SNCAIP: variants seen among roughly 807,000 people sequenced by gnomAD.
SNCAIP encodes synuclein alpha interacting protein, also known as synphilin-1.
In SNCAIP, 43 loss-of-function variants were observed where a neutral mutation model predicts 86.7. The observed-to-expected ratio is 0.50, with a 90% CI of 0.39 to 0.64. The LOEUF is 0.64. Among genes scored for constraint, SNCAIP ranks in the 30% least tolerant of loss-of-function variants. SNCAIP has a pLI of 0.00. For missense variants in SNCAIP, 981 were observed against 1,103.1 expected (o/e 0.89, Z 1.57); for synonymous variants, 417 against 427.2 (o/e 0.98, Z 0.29).
chr5:122,322,144 G>T (rs985211413), intron 1 of SNCAIP, among the ~76,000 whole-genome samples: 1 of 152,180 alleles, frequency 6.6e-6, no homozygotes, highest in Non-Finnish European at 1.5e-5. Context: ...GTTTCCAGTG[G>T]TTTTAGAGTC....
At chr5:122,443,840 G>A (rs1781673025) in intron 7 of SNCAIP, among the ~76,000 whole-genome samples, 1 of 152,218 alleles carries the variant, frequency 6.6e-6, no homozygotes, top group African/African-American at 2.4e-5. Flanking sequence ...CATGGTTGGG[G>A]TCTTCAGAGG....
At position 122,382,109 on chromosome 5, in the gene SNCAIP, T is replaced by C. The variant is rs937879309; in HGVS notation, c.-46-8980T>C. Reference sequence around the variant, plus strand: ...GGCCTTTCTTGCTAGGTTGGGGAAGTTCTCCTGGATAATATCCTGAAGAGT... The same window carrying C: ...GGCCTTTCTTGCTAGGTTGGGGAAGCTCTCCTGGATAATATCCTGAAGAGT... On this transcript the variant is annotated intron_variant, in intron 1 of 10. Coordinates refer to ENST00000261368, the MANE Select transcript of SNCAIP (RefSeq NM_005460.4). Among the ~76,000 whole-genome samples, 101 of 152,372 alleles carry C rather than the reference T, an allele frequency of 6.6e-4. 1 individual carries two copies. Among genetic ancestry groups the C allele is most frequent in the African/African-American group, 2.3e-3 (97 of 41,586 alleles).
intron 8 of SNCAIP, among the ~76,000 whole-genome samples, chr5:122,446,825 C>G (rs1782423039): frequency 6.6e-6 from 1 of 152,162 alleles, no homozygotes; most frequent in African/African-American, 2.4e-5. Context: ...GGAAGACAGT[C>G]TTGAGTGCCT....
chr5:122,353,271 A>C (rs765472930), intron 1 of SNCAIP, among the ~76,000 whole-genome samples: 1 of 151,986 alleles, frequency 6.6e-6, no homozygotes, highest in African/African-American at 2.4e-5. Context: ...AAACCAATCT[A>C]TTGTGTTGGG....
chr5:122,340,581 G>C (rs1443040940), intron 1 of SNCAIP, among the ~76,000 whole-genome samples: 1 of 152,142 alleles, frequency 6.6e-6, no homozygotes, highest in Non-Finnish European at 1.5e-5. Flanking sequence ...TCAATACCTT[G>C]AAGCAAACGA....
chr5:122,340,119 C>T (rs1405493561), intron 1 of SNCAIP, among the ~76,000 whole-genome samples: 2 of 152,152 alleles, frequency 1.3e-5, no homozygotes, highest in Non-Finnish European at 2.9e-5. Flanking sequence ...AGACATTATA[C>T]AAAACCGACT....
intron 1 of SNCAIP, among the ~76,000 whole-genome samples, chr5:122,319,112 T>C (rs1323594349): frequency 6.6e-6 from 1 of 152,046 alleles, no homozygotes; most frequent in African/African-American, 2.4e-5. Context: ...AATAAAGCTT[T>C]GATTGGGCTC....
chr5:122,436,617 A>AT (rs1779543388), intron 6 of SNCAIP: 2 of 152,194 alleles, frequency 1.3e-5, no homozygotes, highest in African/African-American at 4.8e-5. Flanking sequence ...TACATCTCAA[A>AT]AACTGGAATA....
intron 3 of SNCAIP, among the ~76,000 whole-genome samples, chr5:122,415,362 C>A (rs1469846368): frequency 6.6e-6 from 1 of 152,170 alleles, no homozygotes; most frequent in Non-Finnish European, 1.5e-5. Context: ...TAAAATAAGA[C>A]CAGTTTTCAC....
intron 2 of SNCAIP, among the ~76,000 whole-genome samples, chr5:122,394,285 A>G (rs1770110755): frequency 6.6e-6 from 1 of 152,044 alleles, no homozygotes; most frequent in Non-Finnish European, 1.5e-5. Flanking sequence ...ATTCCATGGT[A>G]TTTCCCTCTG....
intron 2 of SNCAIP, among the ~76,000 whole-genome samples, chr5:122,403,516 G>T (rs1019842778): frequency 1.3e-5 from 2 of 152,142 alleles, no homozygotes; most frequent in Non-Finnish European, 2.9e-5. Context: ...GAAGTGATAA[G>T]AGGGAGAGAG....
chr5:122,422,521 T>A (rs1776593653), intron 3 of SNCAIP, among the ~76,000 whole-genome samples: 1 of 152,196 alleles, frequency 6.6e-6, no homozygotes, highest in South Asian at 2.1e-4. Flanking sequence ...TATTCTCTAA[T>A]CTTGTTTTTC....
intron 6 of SNCAIP, among the ~76,000 whole-genome samples, chr5:122,439,294 C>T (rs1483443051): frequency 6.6e-6 from 1 of 152,168 alleles, no homozygotes; most frequent in Non-Finnish European, 1.5e-5. Flanking sequence ...TCTAGGGACC[C>T]TTGAGGGTTT....
intron 1 of SNCAIP, among the ~76,000 whole-genome samples, chr5:122,390,444 T>C (rs1195431979): frequency 1.3e-5 from 2 of 152,164 alleles, no homozygotes; most frequent in African/African-American, 4.8e-5. Context: ...GGGGCCTGCA[T>C]CAGGTCACTA....
At chr5:122,334,007 C>G (rs917068707) in intron 1 of SNCAIP, among the ~76,000 whole-genome samples, 1 of 152,048 alleles carries the variant, frequency 6.6e-6, no homozygotes, top group Non-Finnish European at 1.5e-5. Context: ...GCATAGAAGA[C>G]TGAGTTTTGT....
Position 122,375,580 on chromosome 5 carries a change from G to A in SNCAIP, c.-46-15509G>A, listed in dbSNP as rs542320953. 3.3e-5 allele frequency among the ~76,000 whole-genome samples: 5 copies of A among 151,018 alleles called. No individual in the cohort carries two copies. The South Asian group carries it at 1.0e-3, about 31-fold the overall frequency. On this transcript the variant is annotated intron_variant, in intron 1 of 10. Transcript: ENST00000261368. Reference sequence around the variant, plus strand: ...ACTGAGACCTGGTTCTAAAAAGGCTGCATTGAAAATTATAAAACTGGACCT... The same window carrying A: ...ACTGAGACCTGGTTCTAAAAAGGCTACATTGAAAATTATAAAACTGGACCT...
At chr5:122,432,713 A>G (rs1425415892) in intron 6 of SNCAIP, among the ~76,000 whole-genome samples, 2 of 152,118 alleles carry the variant, frequency 1.3e-5, no homozygotes, top group Admixed American at 1.3e-4. Flanking sequence ...ACATTAGGAA[A>G]TCCCAACATT....
intron 1 of SNCAIP, among the ~76,000 whole-genome samples, chr5:122,351,821 A>G (rs1759909808): frequency 6.6e-6 from 1 of 152,048 alleles, no homozygotes; most frequent in Admixed American, 6.6e-5. Context: ...ATGAGTTTGT[A>G]TACAGTATTT....
intron 6 of SNCAIP, among the ~76,000 whole-genome samples, chr5:122,435,107 C>T (rs966227239): frequency 6.6e-6 from 1 of 152,014 alleles, no homozygotes; most frequent in Non-Finnish European, 1.5e-5. Context: ...TGATAGATCC[C>T]TGGGTGATAG....
Sources: gnomAD v4.1 joint callset for allele counts (sites outside exome capture counted in the v4.1 genomes callset) on GRCh38, gnomAD v4.1.1 for gene constraint, MANE v1.5 for transcripts, NCBI Gene and HGNC (gene_info 2026-07-23, HGNC 2026-07-21) for gene names.